DAZL: variants seen among roughly 807,000 people sequenced by gnomAD.
DAZL encodes deleted in azoospermia-like.
Under a neutral mutation model 45.0 loss-of-function variants are expected in DAZL, and 4 were observed. The observed-to-expected ratio is 0.09, with a 90% CI of 0.04 to 0.20. DAZL has a LOEUF of 0.20. Ranked by LOEUF, DAZL falls within the 10% of genes least tolerant of loss-of-function variation. The pLI, the probability that DAZL is intolerant of heterozygous loss-of-function variation, is 1.00. For synonymous variants in DAZL, 122 were observed against 112.4 expected, an observed-to-expected ratio of 1.09 and a Z score of -0.54; for missense variants, 326 against 351.3, an observed-to-expected ratio of 0.93 and a Z score of 0.58.
In DAZL at chr3:16,602,099, C is replaced by T. The variant is rs893732466; in HGVS notation, c.3+3104G>A. The stretch of plus-strand genomic sequence containing the variant: ...TCAGAATCAAAACTTTAAGTAAATC[C>T]AAGAGTAGATTCTTGGGGAGTTGGG... On this transcript the variant is annotated intron_variant, in intron 1 of 10. Coordinates refer to ENST00000399444, the MANE Select transcript of DAZL (RefSeq NM_001351.4). Among the ~76,000 whole-genome samples, 9 of 151,490 alleles carry T rather than the reference C, an allele frequency of 5.9e-5. No individual in the cohort carries two copies. The South Asian group carries it at 1.0e-3, about 18-fold the overall frequency.
chr3:16,604,737 C>T, intron 1 of DAZL: 4 of 1,361,906 alleles, frequency 2.9e-6, no homozygotes, highest in Non-Finnish European at 3.8e-6. Flanking sequence ...TCTTGCGGAG[C>T]CACGGGGAGA....
At chr3:16,590,267 C>CATACTTAAACAACTTTAAGTATGTTTA (rs1410192002) in intron 10 of DAZL, among the ~76,000 whole-genome samples, 1 of 151,824 alleles carries the variant, frequency 6.6e-6, no homozygotes, top group Non-Finnish European at 1.5e-5. Flanking sequence ...ATGTTTACTC[C>CATACTTAAACAACTTTAAGTATGTTTA]CTGTTGCGAA....
rs1694461880 is a variant in DAZL at position 16,587,971 on chromosome 3, T to A, written c.*689A>T. ...CTAGTAAAGTTTAGTTTGTCTTGGATTCTTTAAAAAATTAGGCCCAGAATT... is the reference window on the plus strand; with the variant it reads ...CTAGTAAAGTTTAGTTTGTCTTGGAATCTTTAAAAAATTAGGCCCAGAATT... On this transcript the variant is annotated 3_prime_UTR_variant, in exon 11 of 11. Coordinates refer to ENST00000399444, the MANE Select transcript of DAZL (RefSeq NM_001351.4). The A allele has an allele frequency of 5.8e-6, 1 of 172,156 alleles. No homozygotes were observed. Among genetic ancestry groups the A allele is most frequent in the African/African-American group, 2.4e-5 (1 of 41,844 alleles). The allele number at this position is 172,156 out of a possible 1,614,324, so 10.7% of individuals were successfully genotyped here.
chr3:16,589,633 T>G (rs1399327013), intron 10 of DAZL, among the ~76,000 whole-genome samples: 1 of 152,162 alleles, frequency 6.6e-6, no homozygotes, highest in Non-Finnish European at 1.5e-5. Context: ...TACAACAACA[T>G]GCAGTCAATC....
At chr3:16,604,786 G>GGAGTGGGGGAGGGGCGGAGGCGCGT in intron 1 of DAZL, 2 of 1,358,558 alleles carry the variant, frequency 1.5e-6, no homozygotes, top group Admixed American at 3.2e-5. Flanking sequence ...GAGGCGCGTG[G>GGAGTGGGGGAGGGGCGGAGGCGCGT]GAGTGGGGGA....
chr3:16,598,206 TAAA>T, intron 2 of DAZL, 28 bp from the exon 3 acceptor site: 1 of 1,553,180 alleles, frequency 6.4e-7, no homozygotes. Flanking sequence ...ACTTCAAGAG[TAAA>T]AATTCAGCAT....
At chr3:16,604,992 T>A (rs939303658) in intron 1 of DAZL, among the ~76,000 whole-genome samples, 1 of 152,232 alleles carries the variant, frequency 6.6e-6, no homozygotes, top group Non-Finnish European at 1.5e-5. Flanking sequence ...CTTGCCGCCC[T>A]TGGCGTCCCG....
chr3:16,603,424 C>T (rs1317225673), intron 1 of DAZL, among the ~76,000 whole-genome samples: 3 of 151,938 alleles, frequency 2.0e-5, no homozygotes, highest in Non-Finnish European at 2.9e-5. Context: ...TCTCAGCTCA[C>T]TGCAACCTGC....
At chr3:16,594,104 A>G (rs759510420) in intron 8 of DAZL, among the ~76,000 whole-genome samples, 4 of 152,188 alleles carry the variant, frequency 2.6e-5, no homozygotes, top group African/African-American at 4.8e-5. Flanking sequence ...TTTAGACGTA[A>G]TACTCTTGTT....
At chr3:16,598,401 C>A (rs1446395460) in intron 2 of DAZL, 51 bp downstream of exon 2, 1 of 1,595,432 alleles carries the variant, frequency 6.3e-7, no homozygotes, top group Non-Finnish European at 8.6e-7. Context: ...GGGCCCAAAT[C>A]CCATTATTCA....
rs532907139 is a variant in DAZL, at chr3:16,597,392, T to C, written c.294+98A>G. ...AGTTTGGATTTTTTTGACCAGAAAG[T>C]GTATCGTCTTCCAAATTTTACACAA... On this transcript the variant is annotated intron_variant, in intron 4 of 10. Coordinates refer to ENST00000399444, the MANE Select transcript of DAZL (RefSeq NM_001351.4). 8.9e-5 allele frequency: 79 copies of C among 889,268 alleles called. No homozygotes were observed. In the African/African-American group the frequency reaches 1.2e-3, roughly 13 times the overall value. The allele number at this position is 889,268 out of a possible 1,614,324, so 55.1% of individuals were successfully genotyped here.
At chr3:16,598,343 C>T (rs1301273823) in intron 2 of DAZL, 109 bp downstream of exon 2, 10 of 1,496,682 alleles carry the variant, frequency 6.7e-6, no homozygotes, top group Non-Finnish European at 9.2e-6. Flanking sequence ...AAATGTAAAA[C>T]CAATTCTAAA....
intron 10 of DAZL, 77 bp from the exon 11 acceptor site, chr3:16,588,790 A>T (rs919004422): frequency 8.6e-7 from 1 of 1,157,870 alleles, no homozygotes; most frequent in African/African-American, 1.5e-5. Context: ...GTTGTCAAAA[A>T]CTTAAACCAT....
chr3:16,596,171 T>C (rs1177606277), intron 6 of DAZL, among the ~76,000 whole-genome samples: 2 of 152,180 alleles, frequency 1.3e-5, no homozygotes, highest in Non-Finnish European at 2.9e-5. Flanking sequence ...AACTAAATCG[T>C]TAAATAAAAT....
chr3:16,601,386 G>A (rs990690299), intron 1 of DAZL, among the ~76,000 whole-genome samples: 22 of 152,142 alleles, frequency 1.4e-4, no homozygotes, highest in African/African-American at 3.4e-4. Context: ...CTTTAATAGC[G>A]TAATAACATC....
intron 3 of DAZL, 135 bp from the exon 4 acceptor site, chr3:16,597,676 G>T (rs193270035): frequency 1.7e-4 from 117 of 668,922 alleles, no homozygotes; most frequent in Non-Finnish European, 3.1e-4. Flanking sequence ...GTACATGATA[G>T]ATCCTCTACA....
chr3:16,591,739 C>T (rs1190640074), intron 10 of DAZL, among the ~76,000 whole-genome samples: 3 of 152,144 alleles, frequency 2.0e-5, no homozygotes, highest in Admixed American at 2.0e-4. Context: ...CAGCCAAGAT[C>T]TGCTTTCTGT....
intron 1 of DAZL, among the ~76,000 whole-genome samples, chr3:16,603,525 T>G (rs976619433): frequency 6.7e-6 from 1 of 150,320 alleles, no homozygotes; most frequent in Admixed American, 6.7e-5. Flanking sequence ...TTTTCTGTTT[T>G]TAGTAGCGAT....
chr3:16,599,844 A>C (rs1329660781), intron 1 of DAZL, among the ~76,000 whole-genome samples: 1 of 152,224 alleles, frequency 6.6e-6, no homozygotes, highest in Admixed American at 6.5e-5. Context: ...TGTCCCTTAC[A>C]GGTAAGTGGT....
Sources: allele counts gnomAD v4.1 joint callset (sites outside exome capture counted in the v4.1 genomes callset), GRCh38; gene constraint gnomAD v4.1.1; transcripts MANE v1.5; gene names NCBI Gene and HGNC (gene_info 2026-07-23, HGNC 2026-07-21).